Variants in ALDH1L2 observed in about 807,000 individuals in gnomAD.
ALDH1L2 encodes the protein aldehyde dehydrogenase 1 family member L2, also known as mitochondrial 10-formyltetrahydrofolate dehydrogenase.
A neutral mutation model predicts 111.0 loss-of-function variants in ALDH1L2; 91 were observed. The observed-to-expected ratio is 0.82, with a 90% CI of 0.69 to 0.98. The LOEUF (loss-of-function observed/expected upper bound fraction) is 0.98. Among genes scored for constraint, ALDH1L2 ranks in the 50% least tolerant of loss-of-function variants. The pLI is 0.00. For missense variants in ALDH1L2, 995 were observed against 1,126.8 expected (o/e 0.88, Z 1.67); for synonymous variants, 374 against 392.6 (o/e 0.95, Z 0.56).
At position 105,040,461 on chromosome 12, in the gene ALDH1L2, A is replaced by G. The variant is rs554332119; in HGVS notation, c.1951+146T>C. 169 of 771,692 alleles carry G rather than the reference A, an allele frequency of 2.2e-4. 1 individual carries two copies. The highest frequency in any genetic ancestry group is 3.4e-4 in the Non-Finnish European group (156 of 456,206). 47.8% of individuals were successfully genotyped at this position (771,692 alleles called of 1,614,324 possible). ...CATTTTAAGATTTTAGCACATGGTA[A>G]GTATATTCATCCTTAACTGTTTGGT... is the stretch of plus-strand genomic sequence containing the variant. On this transcript the variant is annotated intron_variant, in intron 16 of 22. Coordinates refer to ENST00000258494, the MANE Select transcript of ALDH1L2 (RefSeq NM_001034173.4).
chr12:105,079,693 T>A (rs1003544464), intron 1 of ALDH1L2, among the ~76,000 whole-genome samples: 1 of 151,616 alleles, frequency 6.6e-6, no homozygotes, highest in Non-Finnish European at 1.5e-5. Flanking sequence ...TTAAAATTAA[T>A]TTTTAATTAT....
chr12:105,070,531 C>T (rs1026299224), intron 3 of ALDH1L2, 39 bp downstream of exon 3: 5 of 1,508,194 alleles, frequency 3.3e-6, no homozygotes, highest in Non-Finnish European at 4.5e-6. Context: ...ATAGCAAGAC[C>T]CCATCTCAAA....
chr12:105,070,746 C>T lies in ALDH1L2; in HGVS notation c.252G>A (p.Lys84=), dbSNP rs774723285. The change falls in exon 3 of 23, where the codon AAG becomes AAA. Residue 84 remains lysine (K), a synonymous_variant. Transcript: ENST00000258494. ...CTGCCACTTCTTTGATGGTCTTGCCCTTGACCCTCCATTTAGGAAGCTTGA... is the reference window on the plus strand; with the variant it reads ...CTGCCACTTCTTTGATGGTCTTGCCTTTGACCCTCCATTTAGGAAGCTTGA... ...PVFKLPKWRV[K]GKTIKEVAEA... The T allele has an allele frequency of 1.6e-5, 26 of 1,614,088 alleles. No homozygotes were observed. In the East Asian group the frequency reaches 4.5e-4, roughly 28 times the overall value.
Position 105,024,374 on chromosome 12 carries a change from C to CTTCTT in ALDH1L2, c.*49_*50insAAGAA. 1 of 1,601,962 alleles carries CTTCTT rather than the reference C, an allele frequency of 6.2e-7. No homozygotes were observed. The highest frequency in any genetic ancestry group is 8.5e-7 in the Non-Finnish European group (1 of 1,169,824). On this transcript the variant is annotated 3_prime_UTR_variant, in exon 23 of 23. Coordinates refer to ENST00000258494, the MANE Select transcript of ALDH1L2 (RefSeq NM_001034173.4). ...CACACCCAATCTTCTTAAGTGTGTC[C>CTTCTT]AGAGTTGTAAAGGGCTGTCTGTCAA...
At chr12:105,052,540 ATAT>A (rs1166220755) in intron 11 of ALDH1L2, among the ~76,000 whole-genome samples, 1 of 152,336 alleles carries the variant, frequency 6.6e-6, no homozygotes, top group East Asian at 1.9e-4. Flanking sequence ...TTTTTCACAT[ATAT>A]CTCTATGCAG....
intron 2 of ALDH1L2, among the ~76,000 whole-genome samples, 185 bp from the exon 3 acceptor site, chr12:105,070,989 A>G (rs1356795778): frequency 6.6e-6 from 1 of 152,238 alleles, no homozygotes; most frequent in Non-Finnish European, 1.5e-5. Flanking sequence ...ATACATATCT[A>G]TATACTTAAG....
intron 6 of ALDH1L2, among the ~76,000 whole-genome samples, chr12:105,064,220 A>G (rs1877210191): frequency 7.5e-6 from 1 of 132,768 alleles, no homozygotes; most frequent in South Asian, 2.5e-4. Flanking sequence ...TGACCTGGGT[A>G]ATCCTCCCAC....
In ALDH1L2 at chr12:105,069,986, T is replaced by G. The variant is rs529992611; in HGVS notation, c.428+584A>C. On this transcript the variant is annotated intron_variant, in intron 3 of 22. Coordinates refer to ENST00000258494, the MANE Select transcript of ALDH1L2 (RefSeq NM_001034173.4). Reference sequence around the variant, plus strand: ...TTACTTGATGATTATTTCAAGTAATTCAGCATTTCCTGAAATGTACTTGAG... The same window carrying G: ...TTACTTGATGATTATTTCAAGTAATGCAGCATTTCCTGAAATGTACTTGAG... 3.5e-4 allele frequency among the ~76,000 whole-genome samples: 53 copies of G among 152,318 alleles called. 1 individual carries two copies. The highest frequency in any genetic ancestry group is 1.3e-3 in the African/African-American group (52 of 41,564).
intron 6 of ALDH1L2, among the ~76,000 whole-genome samples, chr12:105,064,258 A>C (rs576794773): frequency 6.6e-6 from 1 of 150,958 alleles, no homozygotes; most frequent in Admixed American, 6.6e-5. Context: ...CTGGGATTAC[A>C]GGTGTGAGCC....
chr12:105,064,095 C>A (rs1467839044), intron 6 of ALDH1L2, among the ~76,000 whole-genome samples: 2 of 123,162 alleles, frequency 1.6e-5, no homozygotes, highest in South Asian at 5.6e-4. Flanking sequence ...GGATTACAGG[C>A]ACATGCCACC....
chr12:105,038,954 G>A (rs994188074), intron 17 of ALDH1L2, among the ~76,000 whole-genome samples: 3 of 152,062 alleles, frequency 2.0e-5, no homozygotes, highest in Non-Finnish European at 2.9e-5. Flanking sequence ...TTAAAAGTAC[G>A]CTGCTTATTT....
chr12:105,040,814 AT>A (rs993220078), intron 15 of ALDH1L2, 120 bp from the exon 16 acceptor site: 5 of 803,756 alleles, frequency 6.2e-6, no homozygotes, highest in South Asian at 3.4e-5. Flanking sequence ...ACATTGTCTT[AT>A]TTTTTTGCCA....
chr12:105,071,648 T>A (rs546685740), intron 2 of ALDH1L2, among the ~76,000 whole-genome samples: 103 of 26,902 alleles, frequency 3.8e-3, no homozygotes, highest in South Asian at 4.4e-3. Context: ...ATATATTTTT[T>A]TTTTTTTTTT....
At chr12:105,050,715 TAAAG>T in intron 12 of ALDH1L2, 1 of 452,884 alleles carries the variant, frequency 2.2e-6, no homozygotes. Context: ...ATGCTGCTAA[TAAAG>T]ACATACCTGA....
chr12:105,070,690 T>G lies in ALDH1L2; in HGVS notation c.308A>C (p.Asn103Thr). ...EAYRSVGAEL[N>T]VLPFCTQFIP... ...GAACTGAGTGCAGAAAGGGAGCACATTTAGCTCTGCACCCACGGATCTGTA... is the reference window on the plus strand; with the variant it reads ...GAACTGAGTGCAGAAAGGGAGCACAGTTAGCTCTGCACCCACGGATCTGTA... Residue 103 changes from asparagine (N) to threonine (T), a missense_variant, in exon 3 of 23, where the codon AAT (asparagine) becomes ACT (threonine). Asn to Thr is a moderately conservative substitution (Grantham distance 65). Transcript: ENST00000258494. 6.2e-7 allele frequency: 1 copy of G among 1,614,200 alleles called. No individual in the cohort carries two copies. The highest frequency in any genetic ancestry group is 8.5e-7 in the Non-Finnish European group (1 of 1,180,022).
chr12:105,034,630 T>C (rs1874882872), intron 18 of ALDH1L2, among the ~76,000 whole-genome samples: 1 of 152,122 alleles, frequency 6.6e-6, no homozygotes, highest in African/African-American at 2.4e-5. Context: ...TCCCTGAGCA[T>C]TTTTTTAAAA....
Position 105,073,859 on chromosome 12 carries a change from A to G in ALDH1L2, c.193+2T>C. 6.2e-7 allele frequency: 1 copy of G among 1,613,986 alleles called. No individual in the cohort carries two copies. Among genetic ancestry groups the G allele is most frequent in the Non-Finnish European group, 8.5e-7 (1 of 1,180,016 alleles). ...GACCCAGTCATCCCAAGATGCACTCACCCAGAGGGTCAGCTTTTCCATCCT... is the reference window on the plus strand; with the variant it reads ...GACCCAGTCATCCCAAGATGCACTCGCCCAGAGGGTCAGCTTTTCCATCCT... On this transcript the variant is annotated splice_donor_variant, in intron 2 of 22. Coordinates refer to ENST00000258494, the MANE Select transcript of ALDH1L2 (RefSeq NM_001034173.4). LOFTEE classifies it high-confidence loss of function.
chr12:105,064,307 C>T (rs980578027), intron 6 of ALDH1L2, among the ~76,000 whole-genome samples: 5 of 151,644 alleles, frequency 3.3e-5, no homozygotes, highest in African/African-American at 1.2e-4. Context: ...CACAATTACC[C>T]ATAACCTAAG....
At chr12:105,049,249 G>T (rs906722536) in intron 13 of ALDH1L2, among the ~76,000 whole-genome samples, 2 of 152,112 alleles carry the variant, frequency 1.3e-5, no homozygotes, top group Non-Finnish European at 2.9e-5. Flanking sequence ...ATGCAAAGAA[G>T]ATCATTAGAC....
Sources: allele counts gnomAD v4.1 joint callset (sites outside exome capture counted in the v4.1 genomes callset), GRCh38; gene constraint gnomAD v4.1.1; transcripts MANE v1.5; gene names NCBI Gene and HGNC (gene_info 2026-07-23, HGNC 2026-07-21).